ELOVL7: variants seen among roughly 807,000 people sequenced by gnomAD.
ELOVL7 encodes the protein ELOVL fatty acid elongase 7.
A neutral mutation model predicts 35.7 loss-of-function variants in ELOVL7; 27 were observed. The observed-to-expected ratio is 0.76, with a 90% CI of 0.56 to 1.04. The LOEUF is 1.04. Ranked by LOEUF, ELOVL7 falls within the 50% of genes least tolerant of loss-of-function variation. The pLI is 0.00. For synonymous variants in ELOVL7, 113 were observed against 114.6 expected (o/e 0.99, Z 0.09); for missense variants, 327 against 340.8 (o/e 0.96, Z 0.32).
intron 1 of ELOVL7, among the ~76,000 whole-genome samples, chr5:60,817,716 A>ACACAC (rs1745605478): frequency 6.8e-6 from 1 of 148,074 alleles, no homozygotes; most frequent in African/African-American, 2.5e-5. Context: ...ATATATATAC[A>ACACAC]CATATGTATA....
At chr5:60,781,644 A>G (rs1302346060) in intron 3 of ELOVL7, among the ~76,000 whole-genome samples, 3 of 152,232 alleles carry the variant, frequency 2.0e-5, no homozygotes, top group Non-Finnish European at 4.4e-5. Flanking sequence ...TTCAAGTTCT[A>G]CAGATAAAAA....
At position 60,754,666 on chromosome 5, in the gene ELOVL7, G is replaced by A. The variant is rs201554484; in HGVS notation, c.804C>T (p.Pro268=). The A allele has an allele frequency of 1.6e-5, 26 of 1,613,682 alleles. No homozygotes were observed. The highest frequency in any genetic ancestry group is 4.0e-5 in the African/African-American group (3 of 74,814). ...YRAYTKGQRL[P]KTVKNGTCKN... is the part of the protein sequence containing the mutation. ...TGCAAGTTCCATTTTTCACAGTTTTGGGCAACCTCTGACCTTTGGTGTAAG... is the reference window on the plus strand; with the variant it reads ...TGCAAGTTCCATTTTTCACAGTTTTAGGCAACCTCTGACCTTTGGTGTAAG... The change falls in exon 9 of 9, where the codon CCC becomes CCT. Residue 268 remains proline, a synonymous_variant. Coordinates refer to ENST00000508821, the MANE Select transcript of ELOVL7 (RefSeq NM_024930.3).
chr5:60,764,403 T>C (rs1742110475), intron 6 of ELOVL7, 71 bp from the exon 7 acceptor site: 3 of 1,192,648 alleles, frequency 2.5e-6, no homozygotes, highest in African/African-American at 1.5e-5. Flanking sequence ...ATAAAAAATA[T>C]TGGCAAAGTG....
intron 2 of ELOVL7, among the ~76,000 whole-genome samples, chr5:60,798,131 G>A (rs1052237626): frequency 4.6e-5 from 7 of 152,076 alleles, no homozygotes; most frequent in African/African-American, 1.7e-4. Context: ...GCTGTGCCCC[G>A]ACCACCTTGG....
intron 1 of ELOVL7, among the ~76,000 whole-genome samples, chr5:60,826,502 T>C (rs1355934870): frequency 6.6e-6 from 1 of 152,198 alleles, no homozygotes; most frequent in African/African-American, 2.4e-5. Flanking sequence ...CCCCTATTTA[T>C]GGCTATGGAT....
chr5:60,778,669 C>T (rs539148170), intron 3 of ELOVL7, among the ~76,000 whole-genome samples: 106 of 152,288 alleles, frequency 7.0e-4, no homozygotes, highest in African/African-American at 2.5e-3. Context: ...AACTATAATT[C>T]AAGATGAAAT....
At chr5:60,809,544 A>G (rs1745129143) in intron 1 of ELOVL7, among the ~76,000 whole-genome samples, 1 of 152,228 alleles carries the variant, frequency 6.6e-6, no homozygotes, top group Admixed American at 6.5e-5. Flanking sequence ...CTCCCTTTCT[A>G]TGACCCAGTT....
intron 1 of ELOVL7, among the ~76,000 whole-genome samples, chr5:60,832,320 GCT>G (rs1455995890): frequency 6.6e-6 from 1 of 152,132 alleles, no homozygotes; most frequent in East Asian, 1.9e-4. Context: ...CTTGCTCTGT[GCT>G]CTGTCTACTG....
intron 7 of ELOVL7, among the ~76,000 whole-genome samples, chr5:60,760,022 C>T (rs1157213517): frequency 6.6e-6 from 1 of 152,110 alleles, no homozygotes; most frequent in South Asian, 2.1e-4. Flanking sequence ...CCACATTTTC[C>T]TAATCCAGTC....
At chr5:60,839,027 A>AT (rs1561479461) in intron 1 of ELOVL7, among the ~76,000 whole-genome samples, 9 of 133,670 alleles carry the variant, frequency 6.7e-5, no homozygotes, top group African/African-American at 2.1e-4. Flanking sequence ...GTGTCAAAAA[A>AT]AAATATATAT....
intron 2 of ELOVL7, among the ~76,000 whole-genome samples, chr5:60,788,193 T>C (rs564866719): frequency 4.0e-4 from 61 of 152,234 alleles, no homozygotes; most frequent in African/African-American, 1.4e-3. Flanking sequence ...CTAAATATTT[T>C]AGTAACTAAA....
At chr5:60,757,726 T>C (rs1274136751) in intron 7 of ELOVL7, 81 bp from the exon 8 acceptor site, 1 of 1,290,526 alleles carries the variant, frequency 7.7e-7, no homozygotes, top group Non-Finnish European at 1.0e-6. Flanking sequence ...GATTTTTGTA[T>C]AATTATTTCT....
At chr5:60,787,760 T>C (rs1248693852) in intron 2 of ELOVL7, among the ~76,000 whole-genome samples, 1 of 152,212 alleles carries the variant, frequency 6.6e-6, no homozygotes, top group Admixed American at 6.5e-5. Context: ...AGGAACGGAC[T>C]GCACTTGAAG....
At chr5:60,772,413 A>G (rs904749632) in intron 3 of ELOVL7, among the ~76,000 whole-genome samples, 5 of 152,162 alleles carry the variant, frequency 3.3e-5, no homozygotes, top group African/African-American at 1.2e-4. Context: ...GGCAGTCTGC[A>G]ACCTGGAAGA....
chr5:60,783,068 G>A (rs1042797729), intron 3 of ELOVL7, among the ~76,000 whole-genome samples: 58 of 152,096 alleles, frequency 3.8e-4, no homozygotes, highest in African/African-American at 1.4e-3. Context: ...TAATTTGTCA[G>A]CAGCCAACAA....
At chr5:60,782,930 T>C (rs1184027153) in intron 3 of ELOVL7, among the ~76,000 whole-genome samples, 1 of 152,184 alleles carries the variant, frequency 6.6e-6, no homozygotes, top group Non-Finnish European at 1.5e-5. Flanking sequence ...AAAAAGTAAA[T>C]TTCAAATGTT....
chr5:60,801,347 C>A (rs1744600605), intron 1 of ELOVL7, among the ~76,000 whole-genome samples: 1 of 152,154 alleles, frequency 6.6e-6, no homozygotes, highest in Admixed American at 6.5e-5. Context: ...AAAAGGCATC[C>A]AAATCAGAAA....
intron 1 of ELOVL7, chr5:60,843,585 A>C (rs1338051492): frequency 6.6e-6 from 1 of 152,084 alleles, no homozygotes; most frequent in Non-Finnish European, 1.5e-5. Flanking sequence ...CCGCGGGAGC[A>C]AAAAAAGCGC....
At chr5:60,820,466 G>A (rs1390572327) in intron 1 of ELOVL7, among the ~76,000 whole-genome samples, 2 of 152,236 alleles carry the variant, frequency 1.3e-5, no homozygotes, top group East Asian at 3.8e-4. Context: ...AGAACCATTT[G>A]TCAAGCCTGT....
Sources: gnomAD v4.1 joint callset for allele counts (sites outside exome capture counted in the v4.1 genomes callset) on GRCh38, gnomAD v4.1.1 for gene constraint, MANE v1.5 for transcripts, NCBI Gene and HGNC (gene_info 2026-07-23, HGNC 2026-07-21) for gene names.